The following MYO5B variants were observed in gnomAD, a reference collection of about 807,000 sequenced individuals.
MYO5B encodes the protein myosin VB, also known as unconventional myosin-Vb.
MYO5B carries 143 observed loss-of-function variants against 229.3 expected under a neutral mutation model. The observed-to-expected ratio is 0.62, with a 90% CI of 0.54 to 0.72. The LOEUF (loss-of-function observed/expected upper bound fraction) is 0.72. Ranked by LOEUF, MYO5B falls within the 30% of genes least tolerant of loss-of-function variation. MYO5B has a pLI of 0.00. For synonymous variants in MYO5B, 918 were observed against 885.2 expected, an observed-to-expected ratio of 1.04 and a Z score of -0.66; for missense variants, 2,321 against 2,331.0, an observed-to-expected ratio of 1.00 and a Z score of 0.09.
In MYO5B at chr18:50,144,002, T is replaced by C. The variant is rs148837331; in HGVS notation, c.27+50765A>G. ...CTTCTTATCCAAAGGCTTTGTCTTA[T>C]GGTGAGGAAGCTGGTGAGGCAAGCT... On this transcript the variant is annotated intron_variant, in intron 1 of 39. Transcript: ENST00000285039. Among the ~76,000 whole-genome samples, 35 of 152,316 alleles carry C rather than the reference T, an allele frequency of 2.3e-4. 1 individual carries two copies. In the East Asian group the frequency reaches 6.7e-3, roughly 29 times the overall value.
chr18:50,076,793 A>C (rs1295187655), intron 1 of MYO5B, among the ~76,000 whole-genome samples: 8 of 152,180 alleles, frequency 5.3e-5, no homozygotes, highest in Non-Finnish European at 2.9e-5. Flanking sequence ...AATTGTTCAG[A>C]ATATTCCCAA....
At chr18:49,946,438 G>C (rs1367908609) in intron 14 of MYO5B, 1 of 152,050 alleles carries the variant, frequency 6.6e-6, no homozygotes, top group Non-Finnish European at 1.5e-5. Flanking sequence ...TCAAATTTTA[G>C]AGCATTCTAG....
At chr18:49,948,043 C>T (rs1446954652) in intron 14 of MYO5B, among the ~76,000 whole-genome samples, 2 of 145,942 alleles carry the variant, frequency 1.4e-5, no homozygotes, top group African/African-American at 5.2e-5. Context: ...CACATGTACC[C>T]TAAAACTTAA....
chr18:50,135,595 A>G (rs1323058833), intron 1 of MYO5B, among the ~76,000 whole-genome samples: 2 of 152,350 alleles, frequency 1.3e-5, no homozygotes, highest in East Asian at 3.9e-4. Context: ...TTCAATCTAG[A>G]TAAATCATTC....
chr18:49,865,815 T>G (rs540125528), intron 27 of MYO5B, among the ~76,000 whole-genome samples: 57 of 152,354 alleles, frequency 3.7e-4, no homozygotes, highest in South Asian at 8.3e-4. Flanking sequence ...TTGAAAGCTC[T>G]GGCTGTTTTT....
intron 1 of MYO5B, among the ~76,000 whole-genome samples, chr18:50,125,159 C>T (rs1419561276): frequency 2.0e-5 from 3 of 152,210 alleles, no homozygotes; most frequent in South Asian, 2.1e-4. Context: ...GCTTCTCTTT[C>T]TCAAGGGCAC....
chr18:49,845,576 T>C (rs796824286), intron 33 of MYO5B, among the ~76,000 whole-genome samples: 19 of 152,374 alleles, frequency 1.2e-4, no homozygotes, highest in Admixed American at 3.3e-4. Context: ...CATTTCGCCT[T>C]TGACACACTT....
chr18:49,900,250 T>C (rs1338714506), intron 21 of MYO5B, among the ~76,000 whole-genome samples: 1 of 152,252 alleles, frequency 6.6e-6, no homozygotes, highest in Non-Finnish European at 1.5e-5. Flanking sequence ...TTTGTGCTTG[T>C]GTTTTTCAAA....
At chr18:50,182,388 G>T (rs1237773340) in intron 1 of MYO5B, among the ~76,000 whole-genome samples, 1 of 152,132 alleles carries the variant, frequency 6.6e-6, no homozygotes, top group East Asian at 1.9e-4. Flanking sequence ...TCTTCCTTTG[G>T]CCAGCTTGGT....
chr18:50,091,099 G>A (rs529562642), intron 1 of MYO5B, among the ~76,000 whole-genome samples: 2 of 152,302 alleles, frequency 1.3e-5, no homozygotes, highest in Non-Finnish European at 2.9e-5. Flanking sequence ...GGCCCCACCT[G>A]AAGACAGGGA....
Position 49,837,499 on chromosome 18 carries a change from G to A in MYO5B, c.5138+18C>T. The A allele has an allele frequency of 6.2e-7, 1 of 1,613,458 alleles. No individual in the cohort carries two copies. Among genetic ancestry groups the A allele is most frequent in the Non-Finnish European group, 8.5e-7 (1 of 1,179,772 alleles). On this transcript the variant is annotated intron_variant, in intron 37 of 39. Transcript: ENST00000285039. ...GGGCCCACTCTATCTGTGTTGTTGG[G>A]GGGTGCTCCTCCCTTACCTGAGTTG...
At chr18:49,877,393 C>T (rs1275285092) in intron 25 of MYO5B, among the ~76,000 whole-genome samples, 1 of 152,184 alleles carries the variant, frequency 6.6e-6, no homozygotes, top group Non-Finnish European at 1.5e-5. Context: ...TTACTATATG[C>T]ACTATGATAT....
intron 1 of MYO5B, among the ~76,000 whole-genome samples, chr18:50,056,971 C>T (rs2030566361): frequency 6.6e-6 from 1 of 152,192 alleles, no homozygotes; most frequent in African/African-American, 2.4e-5. Context: ...AACCTTCTCC[C>T]TGCTTCTTAA....
intron 1 of MYO5B, among the ~76,000 whole-genome samples, chr18:50,149,216 T>C (rs981867386): frequency 1.4e-4 from 22 of 152,300 alleles, no homozygotes; most frequent in African/African-American, 5.1e-4. Flanking sequence ...CATTCCATGC[T>C]CATGGATAGG....
intron 31 of MYO5B, chr18:49,850,045 AG>A: frequency 2.9e-6 from 1 of 346,790 alleles, no homozygotes; most frequent in South Asian, 2.4e-5. Flanking sequence ...GACAGGTGTG[AG>A]AATGCAGGGG....
intron 1 of MYO5B, among the ~76,000 whole-genome samples, chr18:50,187,669 T>TCA (rs1410202277): frequency 6.6e-6 from 1 of 152,092 alleles, no homozygotes; most frequent in Non-Finnish European, 1.5e-5. Context: ...GTGCATGCCA[T>TCA]CACACCCAGC....
chr18:50,016,038 C>T (rs944095653), intron 4 of MYO5B, among the ~76,000 whole-genome samples: 1 of 152,162 alleles, frequency 6.6e-6, no homozygotes, highest in East Asian at 1.9e-4. Context: ...AGCCATCTTA[C>T]AGATTCCCAA....
chr18:49,837,948 T>C, intron 36 of MYO5B, 146 bp from the exon 37 acceptor site: 1 of 1,083,726 alleles, frequency 9.2e-7, no homozygotes, highest in Admixed American at 2.1e-5. Flanking sequence ...CTTATAACAT[T>C]TGGCAAAAAA....
At chr18:50,152,462 CA>C (rs762303861) in intron 1 of MYO5B, among the ~76,000 whole-genome samples, 7 of 152,184 alleles carry the variant, frequency 4.6e-5, no homozygotes, top group Non-Finnish European at 7.3e-5. Flanking sequence ...AGCATGATTC[CA>C]AAGGACAACT....
Sources: allele counts gnomAD v4.1 joint callset (sites outside exome capture counted in the v4.1 genomes callset), GRCh38; gene constraint gnomAD v4.1.1; transcripts MANE v1.5; gene names NCBI Gene and HGNC (gene_info 2026-07-23, HGNC 2026-07-21).